SLC39A8: variants seen among roughly 807,000 people sequenced by gnomAD.
SLC39A8 encodes the protein solute carrier family 39 member 8, also known as metal cation symporter ZIP8.
A neutral mutation model predicts 40.4 loss-of-function variants in SLC39A8; 15 were observed. That is an observed-to-expected ratio of 0.37 (90% CI 0.25 to 0.57). The LOEUF is 0.57. SLC39A8 is among the 20% of genes least tolerant of loss of function. The pLI is 0.75. For missense variants in SLC39A8, 472 were observed against 558.8 expected, an observed-to-expected ratio of 0.84 and a Z score of 1.57; for synonymous variants, 223 against 221.6, an observed-to-expected ratio of 1.01 and a Z score of -0.06.
chr4:102,326,805 C>T (rs1187631460), intron 2 of SLC39A8, among the ~76,000 whole-genome samples: 1 of 152,096 alleles, frequency 6.6e-6, no homozygotes, highest in African/African-American at 2.4e-5. Flanking sequence ...TTATGTACCA[C>T]TTCACTGAGG....
intron 6 of SLC39A8, among the ~76,000 whole-genome samples, chr4:102,295,028 G>A (rs925117314): frequency 2.0e-5 from 3 of 151,012 alleles, no homozygotes; most frequent in South Asian, 2.1e-4. Flanking sequence ...GCATTTTGTT[G>A]TTATTCAGCA....
chr4:102,330,946 C>T (rs1166041066), intron 2 of SLC39A8, among the ~76,000 whole-genome samples: 1 of 152,154 alleles, frequency 6.6e-6, no homozygotes, highest in Non-Finnish European at 1.5e-5. Flanking sequence ...TCAATAGATG[C>T]AGAAAAGGCT....
downstream of SLC39A8, among the ~76,000 whole-genome samples, chr4:102,257,451 G>A (rs185552492): frequency 1.3e-5 from 2 of 152,348 alleles, no homozygotes; most frequent in Admixed American, 1.3e-4. Context: ...GATATTGTAA[G>A]AAGCTTTTCT....
At position 102,310,149 on chromosome 4, in the gene SLC39A8, G is replaced by A. The variant is rs114404669; in HGVS notation, c.383-2544C>T. ...ACCCAAACACTATGTTTTCCCAACC[G>A]AGCTTTACCTTTACACTGTGGTTCT... On this transcript the variant is annotated intron_variant, in intron 3 of 8. Coordinates refer to ENST00000356736, the MANE Select transcript of SLC39A8 (RefSeq NM_001135146.2). Among the ~76,000 whole-genome samples, 302 of 151,744 alleles carry A rather than the reference G, an allele frequency of 2.0e-3. 3 individuals carry two copies. The highest frequency in any genetic ancestry group is 7.0e-3 in the African/African-American group (289 of 41,350).
chr4:102,270,966 A>G (rs975584491), intron 6 of SLC39A8, among the ~76,000 whole-genome samples: 10 of 152,086 alleles, frequency 6.6e-5, no homozygotes, highest in Non-Finnish European at 1.2e-4. Context: ...AGGAGGAGAA[A>G]GTTGTAGAGG....
intron 6 of SLC39A8, among the ~76,000 whole-genome samples, chr4:102,279,925 C>T (rs972358158): frequency 6.6e-6 from 1 of 152,130 alleles, no homozygotes; most frequent in Admixed American, 6.5e-5. Flanking sequence ...AGGTATCTTT[C>T]ATTTCTCCCT....
chr4:102,253,339 A>G, exon 12 of SLC39A8: 2 of 690,962 alleles, frequency 2.9e-6, no homozygotes, highest in South Asian at 1.6e-5. Context: ...TAACTATGTC[A>G]TATGCCAACC....
At chr4:102,333,129 T>A (rs1475970986) in intron 2 of SLC39A8, among the ~76,000 whole-genome samples, 1 of 152,116 alleles carries the variant, frequency 6.6e-6, no homozygotes, top group African/African-American at 2.4e-5. Flanking sequence ...CAAACCTGCA[T>A]GTTCTGCACA....
At chr4:102,292,394 G>T (rs2149025464) in intron 6 of SLC39A8, among the ~76,000 whole-genome samples, 1 of 152,072 alleles carries the variant, frequency 6.6e-6, no homozygotes, top group East Asian at 1.9e-4. Flanking sequence ...GCTCAAACTT[G>T]CTATTTGATT....
At chr4:102,329,280 ATAATGGGAAGT>A (rs1735346414) in intron 2 of SLC39A8, among the ~76,000 whole-genome samples, 1 of 152,146 alleles carries the variant, frequency 6.6e-6, no homozygotes, top group South Asian at 2.1e-4. Flanking sequence ...TATTTTCACA[ATAATGGGAAGT>A]CATGTGAGGA....
chr4:102,317,743 A>C (rs1395275085), intron 2 of SLC39A8, among the ~76,000 whole-genome samples: 3 of 152,148 alleles, frequency 2.0e-5, no homozygotes, highest in Non-Finnish European at 4.4e-5. Context: ...CTTGGACTTT[A>C]AATTCCTCCA....
intron 6 of SLC39A8, among the ~76,000 whole-genome samples, chr4:102,300,036 A>G (rs1007238950): frequency 2.0e-5 from 3 of 152,106 alleles, no homozygotes; most frequent in Non-Finnish European, 4.4e-5. Context: ...CCTAGTAACA[A>G]TAACTGAATA....
chr4:102,314,564 C>T (rs143306350), intron 3 of SLC39A8, among the ~76,000 whole-genome samples: 15 of 152,194 alleles, frequency 9.9e-5, no homozygotes, highest in African/African-American at 3.6e-4. Flanking sequence ...AGGCTCCAGA[C>T]ACATAGGAGC....
chr4:102,320,328 G>GTATATATGAGTATATATATATGAGAATA (rs1478312299), intron 2 of SLC39A8, among the ~76,000 whole-genome samples: 7 of 87,598 alleles, frequency 8.0e-5, no homozygotes, highest in Non-Finnish European at 1.1e-4. Context: ...ATATGAGAAT[G>GTATATATGAGTATATATATATGAGAATA]TATATATGAG....
intron 2 of SLC39A8, among the ~76,000 whole-genome samples, chr4:102,319,900 T>C (rs1276944188): frequency 6.6e-6 from 1 of 151,896 alleles, no homozygotes; most frequent in African/African-American, 2.4e-5. Context: ...GTCCAACCCA[T>C]TGAAGGTCTG....
chr4:102,278,793 G>A (rs753587356), intron 6 of SLC39A8, among the ~76,000 whole-genome samples: 12 of 152,076 alleles, frequency 7.9e-5, no homozygotes, highest in East Asian at 1.9e-4. Context: ...TATACACCAC[G>A]GAATACTATG....
intron 11 of SLC39A8, among the ~76,000 whole-genome samples, chr4:102,254,368 AATTC>A (rs1380426258): frequency 6.6e-6 from 1 of 152,188 alleles, no homozygotes; most frequent in Non-Finnish European, 1.5e-5. Context: ...TGAACAAATG[AATTC>A]ATTCATTCAT....
chr4:102,340,999 T>C lies in SLC39A8; in HGVS notation c.219+3445A>G, dbSNP rs1002358172. On this transcript the variant is annotated intron_variant, in intron 2 of 8. Transcript: ENST00000356736. ...GTGAGTAGTTTAGTTTAGTGGGTGC[T>C]AGGTCTGGAGAGGTAGGTTGACACA... Among the ~76,000 whole-genome samples the C allele has an allele frequency of 2.3e-4, 35 of 152,316 alleles. 1 individual carries two copies. The highest frequency in any genetic ancestry group is 3.9e-4 in the East Asian group (2 of 5,184).
intron 6 of SLC39A8, among the ~76,000 whole-genome samples, chr4:102,293,592 A>T (rs1733550499): frequency 6.6e-6 from 1 of 152,024 alleles, no homozygotes; most frequent in Non-Finnish European, 1.5e-5. Context: ...ACTAGAAAAC[A>T]GTAGGAAAAA....
Sources: gnomAD v4.1 joint callset for allele counts (sites outside exome capture counted in the v4.1 genomes callset) on GRCh38, gnomAD v4.1.1 for gene constraint, MANE v1.5 for transcripts, NCBI Gene and HGNC (gene_info 2026-07-23, HGNC 2026-07-21) for gene names.